The following USP22 variants were observed in gnomAD, a reference collection of about 807,000 sequenced individuals.
USP22 encodes ubiquitin specific peptidase 22.
In USP22, 22 loss-of-function variants were observed where a neutral mutation model predicts 68.1. That is an observed-to-expected ratio of 0.32 (90% CI 0.23 to 0.46). The LOEUF is 0.46. Among genes scored for constraint, USP22 ranks in the 20% least tolerant of loss-of-function variants. The probability of loss-of-function intolerance (pLI) is 1.00; values close to 1 mark genes in which losing one functional copy is unlikely to be tolerated. For missense variants in USP22, 433 were observed against 695.8 expected (o/e 0.62, Z 4.25); for synonymous variants, 279 against 274.2 (o/e 1.02, Z -0.17).
intron 11 of USP22, 24 bp downstream of exon 11, chr17:21,004,904 C>T: frequency 6.2e-7 from 1 of 1,613,550 alleles, no homozygotes; most frequent in Non-Finnish European, 8.5e-7. Context: ...GCCCTGGACA[C>T]CCACACCGCT....
chr17:21,026,271 C>G (rs1327339458), intron 2 of USP22, among the ~76,000 whole-genome samples: 1 of 152,210 alleles, frequency 6.6e-6, no homozygotes, highest in Non-Finnish European at 1.5e-5. Flanking sequence ...AAGAAAACAG[C>G]TGGATCATAA....
At chr17:21,027,383 T>C (rs896786203) in intron 2 of USP22, among the ~76,000 whole-genome samples, 9 of 151,564 alleles carry the variant, frequency 5.9e-5, no homozygotes, top group Non-Finnish European at 1.3e-4. Flanking sequence ...GTACTCCTTG[T>C]AGAGAGCTGT....
intron 8 of USP22, among the ~76,000 whole-genome samples, chr17:21,009,561 G>C (rs1455737676): frequency 6.6e-6 from 1 of 152,200 alleles, no homozygotes; most frequent in East Asian, 1.9e-4. Flanking sequence ...TGTAGTTTGT[G>C]AAGTGTGGTT....
intron 1 of USP22, among the ~76,000 whole-genome samples, chr17:21,037,243 C>T (rs1415585608): frequency 2.0e-5 from 3 of 152,158 alleles, no homozygotes; most frequent in African/African-American, 7.2e-5. Context: ...CATACATAAA[C>T]GTTCCAAATA....
At chr17:21,042,358 AGGAGGGGGAGGGGACAGAGAGGAGGG>A (rs1567595898) in intron 1 of USP22, 5 of 144,894 alleles carry the variant, frequency 3.5e-5, no homozygotes, top group African/African-American at 1.4e-4. Context: ...GCGGAGAGAA[AGGAGGGGGAGGGGACAGAGAGGAGGG>A]GGAGGGGACA....
rs544910063 is a variant in USP22, at chr17:21,021,231, GGA to G, written c.305-7_305-6del. On this transcript the variant is annotated splice_polypyrimidine_tract_variant and splice_region_variant and intron_variant, in intron 2 of 12. Transcript: ENST00000261497. ...CTCCGTACATCAGATCAATGGCTGA[GGA>G]GAGAAAGGAGGGAGGAGAAACCAAG... 9.4e-6 allele frequency: 15 copies of G among 1,588,682 alleles called. No homozygotes were observed. Among genetic ancestry groups the G allele is most frequent in the Non-Finnish European group, 1.1e-5 (13 of 1,156,898 alleles).
In USP22 at chr17:21,012,916, C is replaced by T. The variant is rs563285879; in HGVS notation, c.858G>A (p.Lys286=). Residue 286 remains lysine, a synonymous_variant, in exon 7 of 13, where the codon AAG becomes AAA. Coordinates refer to ENST00000261497, the MANE Select transcript of USP22 (RefSeq NM_015276.2). ...AGTTGCAGTGGTTGGGGTTGTTGGC[C>T]TTCTTCCCATTGTCATCACCTGGAG... ...RHCKGDDNGK[K]ANNPNHCNCI... 3.1e-6 allele frequency: 5 copies of T among 1,613,862 alleles called. No individual in the cohort carries two copies. The Admixed American group carries it at 5.0e-5, about 16-fold the overall frequency.
rs1480242631 is a variant in USP22, at chr17:21,011,474, A to G, written c.945-165T>C. 9.2e-6 allele frequency: 8 copies of G among 865,870 alleles called. No homozygotes were observed. In the East Asian group the frequency reaches 2.3e-4, roughly 25 times the overall value. The allele number at this position is 865,870 out of a possible 1,614,324, so 53.6% of individuals were successfully genotyped here. ...GCAAGAGCAGCAGTGCTCACACCCA[A>G]CGTGTCCTGGCTCCCAAGGTGGCCC... On this transcript the variant is annotated intron_variant, in intron 7 of 12. Coordinates refer to ENST00000261497, the MANE Select transcript of USP22 (RefSeq NM_015276.2).
intron 2 of USP22, among the ~76,000 whole-genome samples, chr17:21,024,933 C>T (rs1029032734): frequency 5.9e-5 from 9 of 152,170 alleles, no homozygotes; most frequent in African/African-American, 2.2e-4. Context: ...TGTGCCACTG[C>T]ACTCCAGCCT....
At chr17:21,043,302 C>CCCCCCCCCCCCCCCCCCCCCCCCCCCG (rs1567596616), upstream of USP22, 1 of 47,548 alleles carries the variant, frequency 2.1e-5, no homozygotes, top group Non-Finnish European at 5.9e-5. Context: ...GTAGGCCACC[C>CCCCCCCCCCCCCCCCCCCCCCCCCCCG]CCCCCCCCCC....
At chr17:21,043,222 C>G (rs1972471127), upstream of USP22, 1 of 167,600 alleles carries the variant, frequency 6.0e-6, no homozygotes, top group African/African-American at 2.6e-5. Flanking sequence ...CTGGGTAGAC[C>G]CGCGCCCGAG....
chr17:21,021,072 G>C (rs760236465), intron 3 of USP22, 41 bp downstream of exon 3: 3 of 1,490,724 alleles, frequency 2.0e-6, no homozygotes, highest in Non-Finnish European at 2.8e-6. Flanking sequence ...GGACATGAGG[G>C]AACTGCAGGA....
intron 10 of USP22, among the ~76,000 whole-genome samples, chr17:21,006,279 A>G (rs1224452837): frequency 1.3e-5 from 2 of 152,214 alleles, no homozygotes; most frequent in African/African-American, 4.8e-5. Flanking sequence ...TGCAAAACCA[A>G]CTATGTCTGC....
rs1183237120 is a variant in USP22 at position 21,018,095 on chromosome 17, G to C, written c.537C>G (p.Ile179Met). 2 of 1,605,456 alleles carry C rather than the reference G, an allele frequency of 1.2e-6. No homozygotes were observed. Among genetic ancestry groups the C allele is most frequent in the Non-Finnish European group, 1.7e-6 (2 of 1,175,442 alleles). Residue 179 changes from isoleucine (I) to methionine (M), a missense_variant, in exon 5 of 13, where the codon ATC (isoleucine) becomes ATG (methionine). Coordinates refer to ENST00000261497, the MANE Select transcript of USP22 (RefSeq NM_015276.2). Reference protein sequence around the residue: ...SNCTIGLRGLINLGNTCFMNC... With the variant: ...SNCTIGLRGLMNLGNTCFMNC... ...TCATGAAGCATGTGTTCCCAAGGTT[G>C]ATCAGCCCACGCAGACCTGGACACA...
chr17:21,012,345 C>T (rs1344888962), intron 7 of USP22, among the ~76,000 whole-genome samples: 2 of 152,166 alleles, frequency 1.3e-5, no homozygotes, highest in African/African-American at 4.8e-5. Flanking sequence ...GCAATGGATT[C>T]TCCCTGCACT....
At chr17:21,017,484 AG>A (rs1291243559) in intron 5 of USP22, among the ~76,000 whole-genome samples, 4 of 152,376 alleles carry the variant, frequency 2.6e-5, no homozygotes, top group South Asian at 2.1e-4. Flanking sequence ...TGCAGCCCAC[AG>A]GAACAGCCAA....
intron 1 of USP22, among the ~76,000 whole-genome samples, chr17:21,032,917 T>G (rs1972308494): frequency 1.2e-5 from 1 of 85,348 alleles, no homozygotes; most frequent in Non-Finnish European, 1.9e-5. Context: ...AACCAGACCC[T>G]GTCTCAAAAA....
chr17:21,006,476 G>T (rs1597687668), intron 10 of USP22: 1 of 151,682 alleles, frequency 6.6e-6, no homozygotes, highest in African/African-American at 2.4e-5. Flanking sequence ...CAGATTTGGG[G>T]AAGGTGGGGT....
chr17:21,019,901 C>T (rs761038181), intron 3 of USP22, among the ~76,000 whole-genome samples: 7 of 152,146 alleles, frequency 4.6e-5, no homozygotes, highest in Non-Finnish European at 1.0e-4. Context: ...AATAATACAC[C>T]CACACTTAGT....
Sources: gnomAD v4.1 joint callset for allele counts (sites outside exome capture counted in the v4.1 genomes callset) on GRCh38, gnomAD v4.1.1 for gene constraint, MANE v1.5 for transcripts, NCBI Gene and HGNC (gene_info 2026-07-23, HGNC 2026-07-21) for gene names.